The following XPO6 variants were observed in gnomAD, a reference collection of about 807,000 sequenced individuals.
XPO6 encodes the protein exportin-6.
In XPO6, 3 loss-of-function variants were observed where a neutral mutation model predicts 130.0. The observed-to-expected ratio is 0.02, with a 90% confidence interval of 0.01 to 0.06. XPO6 has a LOEUF of 0.06. XPO6 is among the 10% of genes least tolerant of loss of function. The probability of loss-of-function intolerance (pLI) is 1.00; values close to 1 mark genes in which losing one functional copy is unlikely to be tolerated. For synonymous variants in XPO6, 524 were observed against 548.9 expected (o/e 0.95, Z 0.63); for missense variants, 970 against 1,393.0 (o/e 0.70, Z 4.83).
chr16:28,102,599 G>C (rs542115021), intron 21 of XPO6, among the ~76,000 whole-genome samples: 1 of 152,098 alleles, frequency 6.6e-6, no homozygotes, highest in Admixed American at 6.5e-5. Context: ...TTAGCCAGGC[G>C]TGGTGGCGGA....
At chr16:28,209,577 T>G (rs2141922909) in intron 1 of XPO6, among the ~76,000 whole-genome samples, 1 of 148,178 alleles carries the variant, frequency 6.7e-6, no homozygotes, top group South Asian at 2.1e-4. Context: ...GAGGCAGAAG[T>G]TGCCGTGAGC....
intron 16 of XPO6, 22 bp downstream of exon 16, chr16:28,112,882 C>G: frequency 6.2e-7 from 1 of 1,607,762 alleles, no homozygotes; most frequent in Middle Eastern, 1.7e-4. Flanking sequence ...CTGGGGACCC[C>G]GGGGGAGCTC....
chr16:28,132,298 A>T lies in XPO6; in HGVS notation c.1606+36T>A. 6.8e-7 allele frequency: 1 copy of T among 1,480,582 alleles called. No individual in the cohort carries two copies. Among genetic ancestry groups the T allele is most frequent in the South Asian group, 1.2e-5 (1 of 83,576 alleles). 91.7% of individuals were successfully genotyped at this position (1,480,582 alleles called of 1,614,324 possible). On this transcript the variant is annotated intron_variant, in intron 12 of 23. Coordinates refer to ENST00000304658, the MANE Select transcript of XPO6 (RefSeq NM_015171.4). The surrounding 1 kb of genome is among the most constrained non-coding windows in gnomAD (Gnocchi z 4.0). ...AAATATCAGTCCGATGGTTTTTTGA[A>T]TGTTTGGTTAAATTAGAAAATAAAA... is the stretch of plus-strand genomic sequence containing the variant.
chr16:28,131,377 T>A (rs1168370366), intron 12 of XPO6, among the ~76,000 whole-genome samples: 1 of 152,140 alleles, frequency 6.6e-6, no homozygotes, highest in African/African-American at 2.4e-5. Flanking sequence ...GGCGGCTCTG[T>A]GCTGGGCTGA....
chr16:28,145,400 AAT>A (rs2042965818), intron 9 of XPO6, among the ~76,000 whole-genome samples: 1 of 152,168 alleles, frequency 6.6e-6, no homozygotes, highest in South Asian at 2.1e-4. Context: ...TTGTACAGGA[AAT>A]ATACTCTCTT....
intron 9 of XPO6, among the ~76,000 whole-genome samples, chr16:28,136,862 G>A (rs1041652734): frequency 1.3e-5 from 2 of 152,240 alleles, no homozygotes; most frequent in African/African-American, 2.4e-5. Context: ...AACCACCAGT[G>A]CTGGTTAGTA....
intron 23 of XPO6, 27 bp from the exon 24 acceptor site, chr16:28,098,666 C>A: frequency 6.4e-7 from 1 of 1,570,684 alleles, no homozygotes; most frequent in Non-Finnish European, 8.7e-7. Flanking sequence ...TAGCTGCAGC[C>A]AACAACACAC....
chr16:28,147,381 A>C (rs1163109198), intron 8 of XPO6, among the ~76,000 whole-genome samples: 1 of 151,940 alleles, frequency 6.6e-6, no homozygotes, highest in Non-Finnish European at 1.5e-5. Context: ...TGGGCAACAT[A>C]GTGAGACTCG....
At chr16:28,146,489 G>A (rs1200645821) in intron 8 of XPO6, among the ~76,000 whole-genome samples, 3 of 152,174 alleles carry the variant, frequency 2.0e-5, no homozygotes, top group Non-Finnish European at 4.4e-5. Flanking sequence ...ATCTGAGACT[G>A]GTAGAGAGGG....
At chr16:28,118,739 CTG>C (rs2087141665) in intron 14 of XPO6, among the ~76,000 whole-genome samples, 1 of 152,218 alleles carries the variant, frequency 6.6e-6, no homozygotes, top group South Asian at 2.1e-4. Flanking sequence ...TTCTTGATGA[CTG>C]AACTGTCAAG....
At chr16:28,185,395 A>T (rs2141879090) in intron 1 of XPO6, among the ~76,000 whole-genome samples, 1 of 152,130 alleles carries the variant, frequency 6.6e-6, no homozygotes, top group Middle Eastern at 3.4e-3. Context: ...TAAATAAGTA[A>T]AACTTATCTA....
Position 28,154,860 on chromosome 16 carries a change from T to TA in XPO6, c.1097+1213dup, listed in dbSNP as rs372963875. 9.0e-3 allele frequency among the ~76,000 whole-genome samples: 1,371 copies of TA among 151,866 alleles called. 27 individuals carry two copies. Among genetic ancestry groups the TA allele is most frequent in the African/African-American group, 0.032 (1,312 of 41,376 alleles). ...GATAGACATGAGACACACAGATCAT[T>TA]AAAAAAAAGGTAATACAGCCTTTCT... On this transcript the variant is annotated intron_variant, in intron 7 of 23. Transcript: ENST00000304658.
At chr16:28,145,944 A>G (rs1278808291) in intron 9 of XPO6, 150 bp downstream of exon 9, 14 of 528,080 alleles carry the variant, frequency 2.7e-5, no homozygotes, top group Non-Finnish European at 4.1e-5. Flanking sequence ...CTTAAAGGAG[A>G]AAAAAAAGGA....
intron 4 of XPO6, among the ~76,000 whole-genome samples, chr16:28,174,722 T>C (rs2043507172): frequency 6.6e-6 from 1 of 152,220 alleles, no homozygotes; most frequent in African/African-American, 2.4e-5. Context: ...ATGGTTTGTA[T>C]GAAGAGCAGG....
At chr16:28,103,502 A>G (rs1214361269) in intron 21 of XPO6, among the ~76,000 whole-genome samples, 1 of 152,204 alleles carries the variant, frequency 6.6e-6, no homozygotes, top group Non-Finnish European at 1.5e-5. Context: ...AAATACTTAG[A>G]AGTGAGACTG....
At chr16:28,176,150 C>A in intron 3 of XPO6, 55 bp from the exon 4 acceptor site, 5 of 1,541,346 alleles carry the variant, frequency 3.2e-6, no homozygotes, top group Non-Finnish European at 4.5e-6. Context: ...AAAATAACTG[C>A]TTTTCATCCC....
intron 15 of XPO6, among the ~76,000 whole-genome samples, chr16:28,115,682 G>A (rs1278159376): frequency 1.3e-5 from 2 of 152,172 alleles, no homozygotes. Context: ...AAGAGAGTTG[G>A]CCTGTCCTCT....
intron 17 of XPO6, among the ~76,000 whole-genome samples, chr16:28,110,541 G>A (rs1311222297): frequency 6.6e-6 from 1 of 152,136 alleles, no homozygotes; most frequent in Non-Finnish European, 1.5e-5. Context: ...TACACTTTTG[G>A]AGTTGTTTGT....
At chr16:28,175,041 T>A (rs945100431) in intron 4 of XPO6, among the ~76,000 whole-genome samples, 4 of 152,192 alleles carry the variant, frequency 2.6e-5, no homozygotes, top group African/African-American at 9.7e-5. Context: ...GCATTTTCTA[T>A]CAAACTGAAT....
Sources: gnomAD v4.1 joint callset for allele counts (sites outside exome capture counted in the v4.1 genomes callset) on GRCh38, gnomAD v4.1.1 for gene constraint, Gnocchi (gnomAD v3.1) non-coding constraint, MANE v1.5 for transcripts, NCBI Gene and HGNC (gene_info 2026-07-23, HGNC 2026-07-21) for gene names.